Variants in ZNF483 observed in about 807,000 individuals in gnomAD.
ZNF483 encodes the protein zinc finger protein HIT-10.
A neutral mutation model predicts 28.6 loss-of-function variants in ZNF483; 9 were observed. The observed-to-expected ratio is 0.32, with a 90% confidence interval of 0.19 to 0.55. The LOEUF (loss-of-function observed/expected upper bound fraction) is 0.55. Ranked by LOEUF, ZNF483 falls within the 20% of genes least tolerant of loss-of-function variation. The pLI is 0.93. For missense variants in ZNF483, 675 were observed against 871.7 expected (o/e 0.77, Z 2.84); for synonymous variants, 322 against 306.2 (o/e 1.05, Z -0.54).
At chr9:111,538,119 T>G (rs539273575) in intron 5 of ZNF483, among the ~76,000 whole-genome samples, 56 of 151,478 alleles carry the variant, frequency 3.7e-4, no homozygotes, top group African/African-American at 1.3e-3. Context: ...CATACATTTT[T>G]GGGGTTGTTT....
In ZNF483 at chr9:111,543,908, T is replaced by C. The variant is rs931364810; in HGVS notation, c.*738T>C. ...TAGCTGACATTACGGGTACACTCCATCAAGCCTGGTTCCTAGGATGCTGGA... is the reference window on the plus strand; with the variant it reads ...TAGCTGACATTACGGGTACACTCCACCAAGCCTGGTTCCTAGGATGCTGGA... On this transcript the variant is annotated 3_prime_UTR_variant, in exon 6 of 6. Transcript: ENST00000309235. 2 of 984,980 alleles carry C rather than the reference T, an allele frequency of 2.0e-6. No homozygotes were observed. The highest frequency in any genetic ancestry group is 1.8e-5 in the African/African-American group (1 of 57,142). The allele number at this position is 984,980 out of a possible 1,614,324, so 61.0% of individuals were successfully genotyped here.
chr9:111,543,161 T>C lies in ZNF483; in HGVS notation c.2226T>C (p.Ser742=), dbSNP rs777986198. 2 of 1,601,790 alleles carry C rather than the reference T, an allele frequency of 1.2e-6. No homozygotes were observed. Among genetic ancestry groups the C allele is most frequent in the South Asian group, 1.1e-5 (1 of 88,882 alleles). The change falls in exon 6 of 6, where the codon TCT becomes TCC. Residue 742 remains serine, a synonymous_variant. Transcript: ENST00000309235. The part of the protein sequence containing the change: ...SGLIRHRGFH[S]AE Reference sequence around the variant, plus strand: ...TCATTAGACATCGGGGATTTCACTCTGCAGAGTAATCCTGGAACTACATTA... The same window carrying C: ...TCATTAGACATCGGGGATTTCACTCCGCAGAGTAATCCTGGAACTACATTA...
intron 2 of ZNF483, among the ~76,000 whole-genome samples, chr9:111,530,135 AGG>A (rs1183877635): frequency 6.6e-6 from 1 of 152,096 alleles, no homozygotes; most frequent in Non-Finnish European, 1.5e-5. Context: ...AACCTGTCAA[AGG>A]GGAGAGGGAC....
At chr9:111,535,522 A>G (rs1238167343) in intron 5 of ZNF483, among the ~76,000 whole-genome samples, 1 of 152,216 alleles carries the variant, frequency 6.6e-6, no homozygotes, top group African/African-American at 2.4e-5. Context: ...TCATGTTAAC[A>G]CTGGTTATCT....
rs1298745290 is a variant in ZNF483 at position 111,546,819 on chromosome 9, ACTC to A, written c.*3652_*3654del. ...TCATCATCCCAAACTGAAACTCTGT[ACTC>A]CTTAAACAGTAACTCCCCATTTTCT... On this transcript the variant is annotated 3_prime_UTR_variant, in exon 6 of 6. Transcript: ENST00000309235. 6.6e-6 allele frequency among the ~76,000 whole-genome samples: 1 copy of A among 152,072 alleles called. No homozygotes were observed. Among genetic ancestry groups the A allele is most frequent in the Non-Finnish European group, 1.5e-5 (1 of 67,970 alleles).
intron 1 of ZNF483, 96 bp downstream of exon 1, chr9:111,525,358 C>T (rs1227833973): frequency 3.3e-5 from 5 of 152,234 alleles, no homozygotes; most frequent in Non-Finnish European, 5.9e-5. Flanking sequence ...GAGCAGCCTA[C>T]CAACGGGCTG....
intron 5 of ZNF483, among the ~76,000 whole-genome samples, chr9:111,573,221 C>T (rs1399710041): frequency 6.6e-6 from 1 of 152,186 alleles, no homozygotes; most frequent in African/African-American, 2.4e-5. Flanking sequence ...CAGCTTTGCT[C>T]AGTTGGCAGG....
chr9:111,538,156 A>G (rs1231493889), intron 5 of ZNF483, among the ~76,000 whole-genome samples: 3 of 151,612 alleles, frequency 2.0e-5, no homozygotes, highest in Non-Finnish European at 4.4e-5. Context: ...TAGGCTACAC[A>G]GTTTGTCTGC....
rs1393888689 is a variant in ZNF483 at position 111,553,018 on chromosome 9, A to G, written c.*9848A>G. On this transcript the variant is annotated 3_prime_UTR_variant, in exon 6 of 6. Coordinates refer to ENST00000309235, the MANE Select transcript of ZNF483 (RefSeq NM_133464.5). ...CTATTTTATAGCTTGCCAGGTTTAC[A>G]AACTCAGACCCTTTTAAAAGTTGTT... is the stretch of plus-strand genomic sequence containing the variant. Among the ~76,000 whole-genome samples, 1 of 152,234 alleles carries G rather than the reference A, an allele frequency of 6.6e-6. No individual in the cohort carries two copies. Among genetic ancestry groups the G allele is most frequent in the Admixed American group, 6.5e-5 (1 of 15,280 alleles).
intron 5 of ZNF483, chr9:111,539,760 T>C: frequency 6.6e-6 from 1 of 151,146 alleles, no homozygotes; most frequent in Non-Finnish European, 1.4e-5. Flanking sequence ...AAACTCCGTC[T>C]CAAAAAAAAA....
chr9:111,574,973 T>G (rs921884111), intron 5 of ZNF483: 3 of 647,498 alleles, frequency 4.6e-6, no homozygotes, highest in Admixed American at 3.2e-5. Context: ...AGCCCAACAG[T>G]GCAGAAGACT....
At chr9:111,528,058 A>G in intron 2 of ZNF483, 1 of 1,404,064 alleles carries the variant, frequency 7.1e-7, no homozygotes, top group African/African-American at 1.4e-5. Context: ...GAGACAAGAT[A>G]GGATATAATA....
rs1366770240 is a variant in ZNF483 at position 111,544,851 on chromosome 9, CT to C, written c.*1683del. 6.6e-6 allele frequency among the ~76,000 whole-genome samples: 1 copy of C among 152,134 alleles called. No homozygotes were observed. The highest frequency in any genetic ancestry group is 1.5e-5 in the Non-Finnish European group (1 of 68,014). On this transcript the variant is annotated 3_prime_UTR_variant, in exon 6 of 6. Transcript: ENST00000309235. Reference sequence around the variant, plus strand: ...AGGCCCTGAATGAGTGAGGTTTTGGCTTCAGGTCATAGGGTTCTGGAGGAAC... The same window carrying C: ...AGGCCCTGAATGAGTGAGGTTTTGGCTCAGGTCATAGGGTTCTGGAGGAAC...
chr9:111,548,815 C>T lies in ZNF483; in HGVS notation c.*5645C>T, dbSNP rs940986903. On this transcript the variant is annotated 3_prime_UTR_variant, in exon 6 of 6. Transcript: ENST00000309235. ...TGCTGTATATAGAATTCTCAGTTGA[C>T]AGTTTTTTTTTTTTTCTTTCTGCAT... Among the ~76,000 whole-genome samples, 5 of 81,930 alleles carry T rather than the reference C, an allele frequency of 6.1e-5. No individual in the cohort carries two copies. Among genetic ancestry groups the T allele is most frequent in the Non-Finnish European group, 9.5e-5 (4 of 42,266 alleles). The allele number at this position is 81,930 out of a possible 152,430, so 53.7% of individuals were successfully genotyped here. A position where few individuals can be genotyped will look rare whatever the true frequency, so the allele number is the denominator to read the frequency against.
At chr9:111,558,993 G>A (rs567978419), downstream of ZNF483, among the ~76,000 whole-genome samples, 1 of 152,096 alleles carries the variant, frequency 6.6e-6, no homozygotes, top group South Asian at 2.1e-4. Context: ...CTCAAGCTCT[G>A]ACATCCTGCA....
intron 5 of ZNF483, among the ~76,000 whole-genome samples, chr9:111,571,806 G>A (rs776506316): frequency 6.6e-6 from 1 of 152,118 alleles, no homozygotes; most frequent in Admixed American, 6.6e-5. Context: ...GCCTGGCTAA[G>A]AATTTGTATT....
Position 111,574,708 on chromosome 9 carries a change from T to C in ZNF483, c.722-1657T>C, listed in dbSNP as rs113983459. ...TCTCCTTGTCCAGCCTTGTGACATA[T>C]GGGATCGTGTGCATGTGCTCATTAC... On this transcript the variant is annotated intron_variant, in intron 5 of 5. Coordinates refer to the ZNF483 transcript ENST00000358151. 8 of 1,536,738 alleles carry C rather than the reference T, an allele frequency of 5.2e-6. No individual in the cohort carries two copies. In the African/African-American group the frequency reaches 5.5e-5, roughly 11 times the overall value.
chr9:111,535,900 C>CT (rs571414598), intron 5 of ZNF483, among the ~76,000 whole-genome samples: 24,386 of 132,082 alleles, frequency 0.18, 2,689 homozygotes, highest in East Asian at 0.42. Context: ...TATTATTATT[C>CT]TTTTTTTTTT....
At chr9:111,570,222 G>A in intron 5 of ZNF483, 1 of 1,609,136 alleles carries the variant, frequency 6.2e-7, no homozygotes, top group Non-Finnish European at 8.5e-7. Context: ...GTGAAGAGAA[G>A]GGCACATTTG....
Sources: gnomAD v4.1 joint callset for allele counts (sites outside exome capture counted in the v4.1 genomes callset) on GRCh38, gnomAD v4.1.1 for gene constraint, MANE v1.5 for transcripts, NCBI Gene and HGNC (gene_info 2026-07-23, HGNC 2026-07-21) for gene names.